The following PARD3B variants were observed in gnomAD, a reference collection of about 807,000 sequenced individuals.
PARD3B encodes par-3 family cell polarity regulator beta.
A neutral mutation model predicts 130.2 loss-of-function variants in PARD3B; 103 were observed. The ratio of observed to expected loss-of-function variants is 0.79; its 90% CI spans 0.67 to 0.93. The LOEUF is 0.93. Among genes scored for constraint, PARD3B ranks in the 40% least tolerant of loss-of-function variants. PARD3B has a pLI of 0.00. For synonymous variants in PARD3B, 583 were observed against 553.2 expected, an observed-to-expected ratio of 1.05 and a Z score of -0.76; for missense variants, 1,609 against 1,499.2, an observed-to-expected ratio of 1.07 and a Z score of -1.21.
chr2:205,383,083 CATAGATAGATAGATAG>C (rs59376156), intron 18 of PARD3B, among the ~76,000 whole-genome samples: 796 of 78,570 alleles, frequency 0.01, 11 homozygotes, highest in African/African-American at 0.02. Context: ...GGAAAGTTTA[CATAGATAGATAGATAG>C]ATAGATAGAT....
Position 205,117,811 on chromosome 2 carries a change from A to C in PARD3B, c.681-1110A>C, listed in dbSNP as rs368113820. Among the ~76,000 whole-genome samples the C allele has an allele frequency of 1.5e-4, 23 of 152,250 alleles. No homozygotes were observed. In the East Asian group the frequency reaches 4.4e-3, roughly 29 times the overall value. On this transcript the variant is annotated intron_variant, in intron 6 of 22. Transcript: ENST00000406610. ...CTTGTCACATCACGAGGAGAAGGGA[A>C]ATCCCACAAATAAGAAATAATGAAA...
intron 3 of PARD3B, among the ~76,000 whole-genome samples, chr2:204,970,912 A>G (rs957128468): frequency 2.4e-4 from 36 of 152,186 alleles, no homozygotes; most frequent in African/African-American, 7.7e-4. Flanking sequence ...TGAGACTTGA[A>G]AGCTGAAAGG....
chr2:205,011,890 A>G lies in PARD3B; in HGVS notation c.395-35691A>G, dbSNP rs1695742692. Among the ~76,000 whole-genome samples the G allele has an allele frequency of 6.6e-6, 1 of 151,934 alleles. No individual in the cohort carries two copies. Among genetic ancestry groups the G allele is most frequent in the South Asian group, 2.1e-4 (1 of 4,818 alleles). On this transcript the variant is annotated intron_variant, in intron 3 of 22. Transcript: ENST00000406610. The surrounding 1 kb of genome is among the most constrained non-coding windows in gnomAD (Gnocchi z 4.1). The stretch of plus-strand genomic sequence containing the variant: ...TTGGTCAGCCTACCCAGAAAATGCA[A>G]CTCTGATTTGTACAAGGAGGAGAGA...
rs59447760 is a variant in PARD3B at position 205,544,252 on chromosome 2, C to CT, written c.3181-9062dup. 2.4e-3 allele frequency among the ~76,000 whole-genome samples: 361 copies of CT among 148,828 alleles called. 1 individual carries two copies. The highest frequency in any genetic ancestry group is 3.5e-3 in the Non-Finnish European group (233 of 66,984). On this transcript the variant is annotated intron_variant, in intron 21 of 22. Transcript: ENST00000406610. ...TCTTAGGAAATGCTTTTCCTAATGC[C>CT]TTTTTTTTTTCTTTTCATCAGACCT...
rs1449574868 is a variant in PARD3B at position 205,618,583 on chromosome 2, C to T, written c.*2770C>T. ...CACATTGAGCTCCAAACCCAATCAA[C>T]ATACATCCACTTGGCTGCAGATCTG... is the stretch of plus-strand genomic sequence containing the variant. On this transcript the variant is annotated 3_prime_UTR_variant, in exon 23 of 23. Coordinates refer to ENST00000406610, the MANE Select transcript of PARD3B (RefSeq NM_001302769.2). The T allele has an allele frequency of 1.3e-5, 2 of 152,248 alleles. No homozygotes were observed. The highest frequency in any genetic ancestry group is 4.1e-4 in the South Asian group (2 of 4,834). 9.4% of individuals were successfully genotyped at this position (152,248 alleles called of 1,614,324 possible).
chr2:205,582,692 C>T (rs1351956660), intron 22 of PARD3B, among the ~76,000 whole-genome samples: 23 of 147,790 alleles, frequency 1.6e-4, no homozygotes, highest in African/African-American at 5.8e-4. Context: ...TCCTACGTGT[C>T]TAGGGAAGAG....
rs1326337997 is a variant in PARD3B, at chr2:205,288,866, C to T, written c.2186-11664C>T. On this transcript the variant is annotated intron_variant, in intron 16 of 22. Transcript: ENST00000406610. This position sits in a 1 kb window ranked among gnomAD's most constrained non-coding sequence, Gnocchi z 4.0. ...AAAGTCACACTGTGCTTTCTTTTCT[C>T]TGACTTCTGCAAGCCTAAAATACTC... Among the ~76,000 whole-genome samples the T allele has an allele frequency of 6.6e-6, 1 of 152,188 alleles. No homozygotes were observed. Among genetic ancestry groups the T allele is most frequent in the Non-Finnish European group, 1.5e-5 (1 of 68,038 alleles).
intron 20 of PARD3B, among the ~76,000 whole-genome samples, chr2:205,454,833 C>T (rs2048217165): frequency 6.6e-6 from 1 of 152,084 alleles, no homozygotes; most frequent in African/African-American, 2.4e-5. Context: ...CACACGCACA[C>T]TTAACACCAA....
At chr2:205,493,674 T>G (rs182059907) in intron 20 of PARD3B, among the ~76,000 whole-genome samples, 3 of 152,028 alleles carry the variant, frequency 2.0e-5, no homozygotes, top group Non-Finnish European at 4.4e-5. Context: ...GATAGGAATA[T>G]TCCTGTTAAA....
intron 3 of PARD3B, among the ~76,000 whole-genome samples, chr2:205,026,969 T>A (rs1697080333): frequency 6.6e-6 from 1 of 152,176 alleles, no homozygotes; most frequent in South Asian, 2.1e-4. Flanking sequence ...TACACCTATC[T>A]TAGTTATTGA....
Position 205,563,433 on chromosome 2 carries a change from C to G in PARD3B, c.3260+10030C>G, listed in dbSNP as rs917454038. On this transcript the variant is annotated intron_variant, in intron 22 of 22. Coordinates refer to ENST00000406610, the MANE Select transcript of PARD3B (RefSeq NM_001302769.2). The surrounding 1 kb of genome is among the most constrained non-coding windows in gnomAD (Gnocchi z 4.2). Reference sequence around the variant, plus strand: ...TCAGAATCAGAATTCAAACCCAGGACTCTCTGGTTTCCAAGGCCTTTTTAA... The same window carrying G: ...TCAGAATCAGAATTCAAACCCAGGAGTCTCTGGTTTCCAAGGCCTTTTTAA... 1.1e-4 allele frequency among the ~76,000 whole-genome samples: 17 copies of G among 152,138 alleles called. No individual in the cohort carries two copies. Among genetic ancestry groups the G allele is most frequent in the Admixed American group, 5.2e-4 (8 of 15,270 alleles).
intron 22 of PARD3B, among the ~76,000 whole-genome samples, chr2:205,587,709 T>G (rs568055488): frequency 3.3e-5 from 5 of 152,318 alleles, no homozygotes; most frequent in African/African-American, 1.2e-4. Flanking sequence ...AAAATCTTCT[T>G]CTACCACGAA....
intron 18 of PARD3B, among the ~76,000 whole-genome samples, chr2:205,396,275 A>G (rs999901671): frequency 2.0e-5 from 3 of 152,202 alleles, no homozygotes; most frequent in Admixed American, 6.5e-5. Flanking sequence ...TTATGGATAT[A>G]TACTTGTTTG....
intron 2 of PARD3B, among the ~76,000 whole-genome samples, chr2:204,910,924 G>T (rs1443177670): frequency 6.6e-6 from 1 of 152,198 alleles, no homozygotes; most frequent in Admixed American, 6.5e-5. Flanking sequence ...TTACAGGCAT[G>T]AGACACCGCG....
At chr2:205,609,268 G>A (rs1294600930) in intron 22 of PARD3B, among the ~76,000 whole-genome samples, 1 of 152,198 alleles carries the variant, frequency 6.6e-6, no homozygotes, top group African/African-American at 2.4e-5. Context: ...TAGCATGGGC[G>A]ACTCAAGTAT....
Position 205,113,393 on chromosome 2 carries a change from G to GTGTGTGTGTGTGT in PARD3B, c.594-98_594-97insTGTGTGTGTGTGT, listed in dbSNP as rs1559450786. 1.9e-5 allele frequency: 11 copies of GTGTGTGTGTGTGT among 571,690 alleles called. No homozygotes were observed. In the African/African-American group the frequency reaches 2.1e-4, roughly 11 times the overall value. 35.4% of individuals were successfully genotyped at this position (571,690 alleles called of 1,614,324 possible). On this transcript the variant is annotated intron_variant, in intron 5 of 22. Coordinates refer to ENST00000406610, the MANE Select transcript of PARD3B (RefSeq NM_001302769.2). ...ATTAGTTGATATAATCCTGAGCAGG[G>GTGTGTGTGTGTGT]GTGTGTGTGTGTGTGTGTGTGTGTG... is the stretch of plus-strand genomic sequence containing the variant.
At chr2:205,177,908 G>A (rs763212467) in intron 13 of PARD3B, among the ~76,000 whole-genome samples, 4 of 151,986 alleles carry the variant, frequency 2.6e-5, no homozygotes, top group Non-Finnish European at 5.9e-5. Context: ...TTCAATTCCT[G>A]TCTCCCTGTC....
intron 4 of PARD3B, among the ~76,000 whole-genome samples, chr2:205,064,395 G>A (rs1224068834): frequency 6.6e-6 from 1 of 152,106 alleles, no homozygotes; most frequent in Non-Finnish European, 1.5e-5. Flanking sequence ...CCACATTGGG[G>A]AGACATGCGT....
chr2:204,546,230 G>T, intron 1 of PARD3B, 111 bp downstream of exon 1: 1 of 1,415,562 alleles, frequency 7.1e-7, no homozygotes, highest in Non-Finnish European at 9.6e-7. Context: ...ATGGGGCACT[G>T]CCTGTAGCTG....
Sources: allele counts gnomAD v4.1 joint callset (sites outside exome capture counted in the v4.1 genomes callset), GRCh38; gene constraint gnomAD v4.1.1; non-coding constraint Gnocchi (gnomAD v3.1); transcripts MANE v1.5; gene names NCBI Gene and HGNC (gene_info 2026-07-23, HGNC 2026-07-21).